GRHPR: variants seen among roughly 807,000 people sequenced by gnomAD.
GRHPR encodes the protein glyoxylate and hydroxypyruvate reductase.
In GRHPR, 35 loss-of-function variants were observed where a neutral mutation model predicts 36.8. The ratio of observed to expected loss-of-function variants is 0.95; its 90% CI spans 0.73 to 1.26. GRHPR has a LOEUF of 1.26. Ranked by LOEUF, GRHPR falls within the 50% of genes most tolerant of loss-of-function variation. The pLI is 0.00. For missense variants in GRHPR, 380 were observed against 435.0 expected, an observed-to-expected ratio of 0.87 and a Z score of 1.12; for synonymous variants, 179 against 181.0, an observed-to-expected ratio of 0.99 and a Z score of 0.09.
chr9:37,425,024 C>A (rs1298786592), intron 2 of GRHPR, 49 bp downstream of exon 2: 1 of 1,586,058 alleles, frequency 6.3e-7, no homozygotes, highest in Admixed American at 1.7e-5. Flanking sequence ...GCCCTGTGGG[C>A]CCCTCAGCCT....
chr9:37,431,292 A>AT (rs1374012746), intron 7 of GRHPR: 1 of 332,562 alleles, frequency 3.0e-6, no homozygotes. Context: ...AATTACCAAC[A>AT]TTTAGCTACA....
downstream of GRHPR, chr9:37,439,051 GATGGTTTGGTATGTCTAAGAAAGCT>G (rs1823798059): frequency 6.6e-6 from 1 of 152,226 alleles, no homozygotes; most frequent in Non-Finnish European, 1.5e-5. Flanking sequence ...ATTTATGAAT[GATGGTTTGGTATGTCTAAGAAAGCT>G]ATATAAAACA....
rs572305927 is a variant in GRHPR at position 37,424,296 on chromosome 9, C to T, written c.84-549C>T. Among the ~76,000 whole-genome samples the T allele has an allele frequency of 3.0e-4, 46 of 152,374 alleles. 1 individual carries two copies. In the South Asian group the frequency reaches 5.8e-3, roughly 19 times the overall value. On this transcript the variant is annotated intron_variant, in intron 1 of 8. Coordinates refer to ENST00000318158, the MANE Select transcript of GRHPR (RefSeq NM_012203.2). The stretch of plus-strand genomic sequence containing the variant: ...TGTCCTGCCACATAGAGGCTCCACA[C>T]GTGCTGACTGTACTGAATTCCATGG...
rs747664983 is a variant in GRHPR, at chr9:37,428,534, C to A, written c.455C>A (p.Thr152Lys). 2.5e-6 allele frequency: 4 copies of A among 1,611,948 alleles called. No individual in the cohort carries two copies. The highest frequency in any genetic ancestry group is 3.4e-6 in the Non-Finnish European group (4 of 1,179,374). ...CTCTGGCTGTGTGGCTATGGACTCA[C>A]GCAGAGCACTGTCGGCATCATCGGG... ...KPLWLCGYGL[T>K]QSTVGIIGLG... Residue 152 changes from threonine to lysine, a missense_variant, in exon 5 of 9, where the codon ACG (threonine) becomes AAG (lysine). Thr to Lys is a moderately conservative substitution (Grantham distance 78). Transcript: ENST00000318158.
At chr9:37,431,294 T>C (rs1823354891) in intron 7 of GRHPR, 1 of 331,088 alleles carries the variant, frequency 3.0e-6, no homozygotes, top group Non-Finnish European at 6.0e-6. Context: ...TTACCAACAT[T>C]TAGCTACAAA....
At chr9:37,430,215 G>A in intron 6 of GRHPR, 1 of 555,014 alleles carries the variant, frequency 1.8e-6, no homozygotes, top group Non-Finnish European at 3.2e-6. Context: ...AGTCCAGGCG[G>A]ATCCAGCACC....
At position 37,436,730 on chromosome 9, in the gene GRHPR, A is replaced by G; in HGVS notation, c.935A>G (p.Asn312Ser). 6.2e-7 allele frequency: 1 copy of G among 1,613,962 alleles called. No homozygotes were observed. The highest frequency in any genetic ancestry group is 8.5e-7 in the Non-Finnish European group (1 of 1,179,936). ...RNTMSLLAAN[N>S]LLAGLRGEPM... is the part of the protein sequence containing the mutation. ...ACCATGTCCTTGTTGGCAGCTAACA[A>G]CTTGCTGGCTGGCCTGAGAGGGGAG... The change falls in exon 9 of 9, where the codon AAC becomes AGC. Residue 312 changes from asparagine to serine, a missense_variant. Physicochemically the swap from Asn to Ser is conservative, Grantham distance 46. Coordinates refer to ENST00000318158, the MANE Select transcript of GRHPR (RefSeq NM_012203.2).
chr9:37,431,437 A>G (rs927448442), intron 7 of GRHPR: 5 of 253,766 alleles, frequency 2.0e-5, no homozygotes, highest in Admixed American at 1.0e-4. Flanking sequence ...TGTATTACTC[A>G]TTAGTGCACA....
intron 4 of GRHPR, among the ~76,000 whole-genome samples, chr9:37,427,058 G>C (rs1823118023): frequency 6.6e-6 from 1 of 152,180 alleles, no homozygotes. Context: ...CCTGACCCCA[G>C]GTGTGCCCCA....
chr9:37,434,113 G>A, intron 8 of GRHPR: 1 of 395,688 alleles, frequency 2.5e-6, no homozygotes, highest in Non-Finnish European at 4.5e-6. Flanking sequence ...GGAGAGGGCA[G>A]TCAGGGCATG....
chr9:37,432,795 A>G (rs1823434580), intron 8 of GRHPR: 1 of 155,010 alleles, frequency 6.5e-6, no homozygotes, highest in Non-Finnish European at 1.4e-5. Flanking sequence ...TGAAAAATTA[A>G]AAGTGTAATG....
intron 5 of GRHPR, chr9:37,428,941 C>A: frequency 2.6e-6 from 1 of 384,258 alleles, no homozygotes; most frequent in Non-Finnish European, 5.0e-6. Flanking sequence ...AGGTATGTGA[C>A]TCACAAAGCC....
At chr9:37,438,884 A>G (rs1823791970), downstream of GRHPR, 1 of 152,196 alleles carries the variant, frequency 6.6e-6, no homozygotes, top group Non-Finnish European at 1.5e-5. Flanking sequence ...CTTCCTGGGA[A>G]TCAGTCCATG....
chr9:37,436,373 G>C (rs1823647865), intron 8 of GRHPR, among the ~76,000 whole-genome samples: 1 of 152,162 alleles, frequency 6.6e-6, no homozygotes, highest in South Asian at 2.1e-4. Flanking sequence ...GCCTCTCAAA[G>C]TGCTGGGATT....
At chr9:37,424,556 G>A (rs112803402) in intron 1 of GRHPR, among the ~76,000 whole-genome samples, 3 of 152,270 alleles carry the variant, frequency 2.0e-5, no homozygotes, top group African/African-American at 7.2e-5. Context: ...CGCCTGCTTG[G>A]CCGCCCAGCC....
chr9:37,439,329 A>AACTCT (rs140676796), downstream of GRHPR: 995 of 152,348 alleles, frequency 6.5e-3, 10 homozygotes, highest in African/African-American at 0.023. Context: ...ATGGGCTGCT[A>AACTCT]ACTCTTACAT....
At chr9:37,422,573 G>C (rs562744658), upstream of GRHPR, 3 of 647,380 alleles carry the variant, frequency 4.6e-6, no homozygotes, top group East Asian at 8.9e-5. Flanking sequence ...GTCACTCCCC[G>C]AGCACGCACA....
chr9:37,433,000 G>A (rs968661793), intron 8 of GRHPR, among the ~76,000 whole-genome samples: 8 of 152,220 alleles, frequency 5.3e-5, no homozygotes, highest in Non-Finnish European at 1.0e-4. Flanking sequence ...TGTCTTTGGG[G>A]GAGTGGCAGC....
chr9:37,436,514 G>C, intron 8 of GRHPR, 147 bp from the exon 9 acceptor site: 1 of 851,238 alleles, frequency 1.2e-6, no homozygotes, highest in Admixed American at 1.7e-5. Context: ...CAAGCTTAGT[G>C]AAGGTGGGAG....
Sources: allele counts gnomAD v4.1 joint callset (sites outside exome capture counted in the v4.1 genomes callset), GRCh38; gene constraint gnomAD v4.1.1; transcripts MANE v1.5; gene names NCBI Gene and HGNC (gene_info 2026-07-23, HGNC 2026-07-21).